Variants in PDE4D observed in about 807,000 individuals in gnomAD.
PDE4D encodes phosphodiesterase 4D.
A neutral mutation model predicts 87.4 loss-of-function variants in PDE4D; 24 were observed. The ratio of observed to expected loss-of-function variants is 0.27; its 90% CI spans 0.20 to 0.39. PDE4D has a LOEUF of 0.39. Among genes scored for constraint, PDE4D ranks in the 10% least tolerant of loss-of-function variants. The probability of loss-of-function intolerance (pLI) is 1.00; values close to 1 mark genes in which losing one functional copy is unlikely to be tolerated. For missense variants in PDE4D, 714 were observed against 1,041.0 expected, an observed-to-expected ratio of 0.69 and a Z score of 4.32; for synonymous variants, 384 against 383.2, an observed-to-expected ratio of 1.00 and a Z score of -0.02.
chr5:59,340,736 A>T (rs154023), intron 1 of PDE4D, among the ~76,000 whole-genome samples: 69,891 of 151,860 alleles, frequency 0.46, 16,411 homozygotes, highest in African/African-American at 0.54. Flanking sequence ...TCTCCATGAG[A>T]TCAATTGTCT....
chr5:60,040,802 C>T (rs1227824009), intron 2 of PDE4D, among the ~76,000 whole-genome samples: 1 of 152,106 alleles, frequency 6.6e-6, no homozygotes, highest in Non-Finnish European at 1.5e-5. Flanking sequence ...TATTATTACC[C>T]TAAATGTTAA....
intron 2 of PDE4D, among the ~76,000 whole-genome samples, chr5:60,148,401 A>T (rs763306332): frequency 6.6e-6 from 1 of 152,206 alleles, no homozygotes; most frequent in Non-Finnish European, 1.5e-5. Flanking sequence ...GAATTTACAT[A>T]TTATTAGTTA....
chr5:60,443,557 C>T (rs911567110), intron 1 of PDE4D, among the ~76,000 whole-genome samples: 1 of 152,106 alleles, frequency 6.6e-6, no homozygotes, highest in African/African-American at 2.4e-5. Flanking sequence ...AATTGAGCGG[C>T]TTATGTCAGA....
At chr5:59,878,182 A>T (rs1274409549) in intron 1 of PDE4D, among the ~76,000 whole-genome samples, 1 of 152,230 alleles carries the variant, frequency 6.6e-6, no homozygotes, top group Non-Finnish European at 1.5e-5. Flanking sequence ...GAGAAAACCA[A>T]TTTAACTAAA....
chr5:59,066,391 T>C (rs551649965), intron 5 of PDE4D, among the ~76,000 whole-genome samples: 6 of 151,964 alleles, frequency 3.9e-5, no homozygotes, highest in African/African-American at 1.4e-4. Context: ...AAGGAGTGAA[T>C]AGATGGGGAG....
intron 2 of PDE4D, among the ~76,000 whole-genome samples, chr5:60,147,075 C>T (rs1375100546): frequency 2.6e-5 from 4 of 152,170 alleles, no homozygotes; most frequent in African/African-American, 9.7e-5. Flanking sequence ...CAAGTCACTA[C>T]TGCAGCAAAA....
chr5:59,785,499 A>G (rs1180373431), intron 1 of PDE4D, among the ~76,000 whole-genome samples: 1 of 152,226 alleles, frequency 6.6e-6, no homozygotes, highest in African/African-American at 2.4e-5. Context: ...CTACTCAGAA[A>G]GGAATCTGAC....
chr5:60,094,299 C>T (rs1350738911), intron 2 of PDE4D, among the ~76,000 whole-genome samples: 1 of 152,004 alleles, frequency 6.6e-6, no homozygotes, highest in Non-Finnish European at 1.5e-5. Flanking sequence ...TGAAGGTAAC[C>T]TAAATGTTAA....
At chr5:59,122,284 G>A (rs1370381979) in intron 5 of PDE4D, among the ~76,000 whole-genome samples, 1 of 151,658 alleles carries the variant, frequency 6.6e-6, no homozygotes, top group Non-Finnish European at 1.5e-5. Context: ...AGATCTTTAT[G>A]TTAAGTGAAA....
At chr5:60,389,364 A>T (rs1762417702) in intron 1 of PDE4D, among the ~76,000 whole-genome samples, 1 of 152,086 alleles carries the variant, frequency 6.6e-6, no homozygotes, top group Admixed American at 6.5e-5. Flanking sequence ...AGAATAAAAA[A>T]ACTCTAAATG....
intron 1 of PDE4D, among the ~76,000 whole-genome samples, chr5:59,633,605 T>C (rs1032944404): frequency 2.0e-5 from 3 of 152,154 alleles, no homozygotes; most frequent in Non-Finnish European, 2.9e-5. Context: ...AAGAGAAGAA[T>C]TTGCAACCCA....
chr5:59,653,360 C>T (rs1344668472), intron 1 of PDE4D, among the ~76,000 whole-genome samples: 9 of 151,952 alleles, frequency 5.9e-5, no homozygotes, highest in Middle Eastern at 3.2e-3. Flanking sequence ...CCCGCCACCA[C>T]GCCTGGCTAA....
At chr5:59,634,965 G>A (rs78471324) in intron 1 of PDE4D, among the ~76,000 whole-genome samples, 8,482 of 151,898 alleles carry the variant, frequency 0.056, 313 homozygotes, top group African/African-American at 0.11. Flanking sequence ...TTTTTGAAAC[G>A]ATTAACAAAA....
intron 2 of PDE4D, among the ~76,000 whole-genome samples, chr5:60,173,662 A>G (rs1049239163): frequency 2.0e-5 from 3 of 152,124 alleles, no homozygotes; most frequent in African/African-American, 7.2e-5. Flanking sequence ...CATAGATTCA[A>G]AACACTTAGT....
At chr5:59,408,874 T>C (rs6896519) in intron 1 of PDE4D, among the ~76,000 whole-genome samples, 26,148 of 152,050 alleles carry the variant, frequency 0.17, 3,043 homozygotes, top group African/African-American at 0.32. Context: ...TGGCCAGGCA[T>C]GATGGCTCAT....
chr5:60,041,936 C>T (rs1381450906), intron 2 of PDE4D, among the ~76,000 whole-genome samples: 2 of 151,856 alleles, frequency 1.3e-5, no homozygotes, highest in African/African-American at 4.8e-5. Flanking sequence ...ACAGTGGCAC[C>T]TGGAAGGCCA....
chr5:60,473,109 G>GAA (rs1747942776), intron 1 of PDE4D, among the ~76,000 whole-genome samples: 2 of 104,988 alleles, frequency 1.9e-5, no homozygotes, highest in Admixed American at 9.5e-5. Flanking sequence ...AAGAAAGAAA[G>GAA]AGAGAGAGAG....
At chr5:60,373,233 A>G (rs1761173739) in intron 1 of PDE4D, among the ~76,000 whole-genome samples, 2 of 152,230 alleles carry the variant, frequency 1.3e-5, no homozygotes, top group Admixed American at 6.5e-5. Flanking sequence ...GATAATTTAC[A>G]TTACATTTCA....
intron 1 of PDE4D, among the ~76,000 whole-genome samples, chr5:60,325,559 T>C (rs1263399393): frequency 6.6e-6 from 1 of 152,156 alleles, no homozygotes; most frequent in Non-Finnish European, 1.5e-5. Context: ...AAAACTGATC[T>C]AAGAGAAACT....
Sources: gnomAD v4.1 joint callset for allele counts (sites outside exome capture counted in the v4.1 genomes callset) on GRCh38, gnomAD v4.1.1 for gene constraint, MANE v1.5 for transcripts, NCBI Gene and HGNC (gene_info 2026-07-23, HGNC 2026-07-21) for gene names.